Variants in LRP1B observed in about 807,000 individuals in gnomAD.
The protein encoded by LRP1B is low-density lipoprotein receptor-related protein 1B.
LRP1B carries 217 observed loss-of-function variants against 556.6 expected under a neutral mutation model. That is an observed-to-expected ratio of 0.39 (90% CI 0.35 to 0.44). The LOEUF (loss-of-function observed/expected upper bound fraction) is 0.44. Among genes scored for constraint, LRP1B ranks in the 20% least tolerant of loss-of-function variants. The probability of loss-of-function intolerance (pLI) is 1.00; values close to 1 mark genes in which losing one functional copy is unlikely to be tolerated. For missense variants in LRP1B, 5,053 were observed against 5,620.8 expected, an observed-to-expected ratio of 0.90 and a Z score of 3.23; for synonymous variants, 2,047 against 1,865.8, an observed-to-expected ratio of 1.10 and a Z score of -2.50.
intron 1 of LRP1B, among the ~76,000 whole-genome samples, chr2:142,115,484 T>TATATA (rs552288715): frequency 0.1 from 5,811 of 55,432 alleles, 610 homozygotes; most frequent in African/African-American, 0.12. Flanking sequence ...ATACATATAA[T>TATATA]ATATAATTAT....
chr2:141,596,191 C>T (rs1381425608), intron 2 of LRP1B, among the ~76,000 whole-genome samples: 3 of 151,888 alleles, frequency 2.0e-5, no homozygotes, highest in Non-Finnish European at 4.4e-5. Context: ...ATCTTTGACT[C>T]AATTTTGCCT....
chr2:141,193,015 A>G (rs192714258), intron 6 of LRP1B, among the ~76,000 whole-genome samples: 2 of 152,020 alleles, frequency 1.3e-5, no homozygotes, highest in Non-Finnish European at 2.9e-5. Context: ...TTGTTATATT[A>G]TGAGGCAAGT....
intron 1 of LRP1B, among the ~76,000 whole-genome samples, chr2:142,125,181 A>C (rs1707598034): frequency 6.6e-6 from 1 of 151,830 alleles, no homozygotes; most frequent in Admixed American, 6.6e-5. Context: ...ATTTATGAAG[A>C]GGAAAATATA....
rs375891399 is a variant in LRP1B at position 141,235,412 on chromosome 2, G to C, written c.593-5972C>G. On this transcript the variant is annotated intron_variant, in intron 5 of 90. Transcript: ENST00000389484. The stretch of plus-strand genomic sequence containing the variant: ...ATCAGGTATGATATCTTTCATAAAA[G>C]ACGTATCATCTCATTGAGTTTCAAA... Among the ~76,000 whole-genome samples the C allele has an allele frequency of 4.6e-5, 7 of 152,198 alleles. No homozygotes were observed. The East Asian group carries it at 1.2e-3, about 25-fold the overall frequency.
chr2:140,353,507 T>C (rs1483348615), intron 75 of LRP1B, among the ~76,000 whole-genome samples: 4 of 152,138 alleles, frequency 2.6e-5, no homozygotes, highest in Non-Finnish European at 5.9e-5. Context: ...CTGTTTCTGA[T>C]GACCTACCTC....
chr2:141,678,482 G>A (rs1475277732), intron 2 of LRP1B, among the ~76,000 whole-genome samples: 1 of 152,094 alleles, frequency 6.6e-6, no homozygotes, highest in African/African-American at 2.4e-5. Context: ...ATTAAGATGG[G>A]CTCGAAAAGC....
At chr2:140,897,383 G>A (rs1693984250) in intron 23 of LRP1B, among the ~76,000 whole-genome samples, 1 of 152,078 alleles carries the variant, frequency 6.6e-6, no homozygotes, top group Non-Finnish European at 1.5e-5. Flanking sequence ...CCCAGAGCGA[G>A]TCATAGACAC....
chr2:142,060,613 T>C (rs9941693), intron 1 of LRP1B, among the ~76,000 whole-genome samples: 5,371 of 152,102 alleles, frequency 0.035, 310 homozygotes, highest in African/African-American at 0.12. Context: ...TTATATATCT[T>C]TGAGGGCTAG....
intron 3 of LRP1B, among the ~76,000 whole-genome samples, chr2:141,478,450 C>T (rs1423515357): frequency 6.6e-6 from 1 of 151,970 alleles, no homozygotes; most frequent in African/African-American, 2.4e-5. Context: ...ATATAATATC[C>T]AAAAAGAAAA....
chr2:141,083,572 G>A (rs1699977248), intron 7 of LRP1B, among the ~76,000 whole-genome samples: 1 of 152,184 alleles, frequency 6.6e-6, no homozygotes, highest in Non-Finnish European at 1.5e-5. Context: ...AATTACCAAT[G>A]TGGCGATGTT....
At chr2:141,335,365 G>A (rs946891545) in intron 3 of LRP1B, among the ~76,000 whole-genome samples, 1 of 152,124 alleles carries the variant, frequency 6.6e-6, no homozygotes, top group Non-Finnish European at 1.5e-5. Flanking sequence ...ACAAATATCA[G>A]GAACATGAAA....
chr2:141,479,990 G>A (rs532486100), intron 3 of LRP1B, among the ~76,000 whole-genome samples: 51 of 152,232 alleles, frequency 3.4e-4, no homozygotes, highest in Non-Finnish European at 5.6e-4. Flanking sequence ...CTTGTTTGAC[G>A]AAGCATTCCT....
intron 35 of LRP1B, among the ~76,000 whole-genome samples, chr2:140,767,811 T>C (rs1336293917): frequency 1.3e-5 from 2 of 151,930 alleles, no homozygotes; most frequent in Non-Finnish European, 2.9e-5. Context: ...ATTGAATATA[T>C]GCTCCAGCTA....
At chr2:140,878,874 G>A (rs1031564310) in intron 25 of LRP1B, among the ~76,000 whole-genome samples, 1 of 151,748 alleles carries the variant, frequency 6.6e-6, no homozygotes, top group Admixed American at 6.6e-5. Flanking sequence ...GGGCGTGGTG[G>A]CACGCATCTG....
chr2:140,291,579 C>A (rs149856539), intron 84 of LRP1B, among the ~76,000 whole-genome samples: 1 of 151,384 alleles, frequency 6.6e-6, no homozygotes. Flanking sequence ...CTTGTCCTTG[C>A]GATAGTTTGC....
Position 140,562,311 on chromosome 2 carries a change from T to A in LRP1B, c.7195-20340A>T, listed in dbSNP as rs1308927446. Among the ~76,000 whole-genome samples, 3 of 152,162 alleles carry A rather than the reference T, an allele frequency of 2.0e-5. No individual in the cohort carries two copies. The South Asian group carries it at 6.2e-4, about 31-fold the overall frequency. ...CGAAAATATACTAATGGTTTTGCAA[T>A]AATGGAAACTGATAAAAACAATTTC... On this transcript the variant is annotated intron_variant, in intron 43 of 90. Transcript: ENST00000389484.
At chr2:141,379,323 A>G (rs1270666541) in intron 3 of LRP1B, among the ~76,000 whole-genome samples, 1 of 152,244 alleles carries the variant, frequency 6.6e-6, no homozygotes, top group Non-Finnish European at 1.5e-5. Context: ...GGCTAAGTTT[A>G]TTAATGAAAC....
intron 55 of LRP1B, among the ~76,000 whole-genome samples, chr2:140,499,231 G>A (rs1432020035): frequency 6.6e-6 from 1 of 151,776 alleles, no homozygotes; most frequent in Non-Finnish European, 1.5e-5. Context: ...AATATGGTAT[G>A]GCTGTGTGCT....
intron 7 of LRP1B, among the ~76,000 whole-genome samples, chr2:141,105,900 G>A (rs1410799157): frequency 6.6e-6 from 1 of 151,766 alleles, no homozygotes; most frequent in Non-Finnish European, 1.5e-5. Flanking sequence ...ATCTCCAGAG[G>A]GACCACAATC....
Sources: gnomAD v4.1 joint callset for allele counts (sites outside exome capture counted in the v4.1 genomes callset) on GRCh38, gnomAD v4.1.1 for gene constraint, MANE v1.5 for transcripts, NCBI Gene and HGNC (gene_info 2026-07-23, HGNC 2026-07-21) for gene names.